CSNK1D: variants seen among roughly 807,000 people sequenced by gnomAD.
CSNK1D encodes the protein casein kinase 1 delta.
Under a neutral mutation model 46.6 loss-of-function variants are expected in CSNK1D, and 16 were observed. That is an observed-to-expected ratio of 0.34 (90% CI 0.23 to 0.52). The LOEUF is 0.52. CSNK1D is among the 20% of genes least tolerant of loss of function. The pLI is 0.95. For synonymous variants in CSNK1D, 276 were observed against 228.2 expected (o/e 1.21, Z -1.89); for missense variants, 398 against 578.4 (o/e 0.69, Z 3.20).
chr17:82,245,473 G>A lies in CSNK1D; in HGVS notation c.1198-642C>T, dbSNP rs1001748814. ...AACAAGGACAGAGATAAATGAGACA[G>A]GAAGAGAGAGGCGACTAGAAAAGCT... is the stretch of plus-strand genomic sequence containing the variant. On this transcript the variant is annotated intron_variant, in intron 8 of 8. Coordinates refer to ENST00000314028, the MANE Select transcript of CSNK1D (RefSeq NM_001893.6). 7 of 213,266 alleles carry A rather than the reference G, an allele frequency of 3.3e-5. No homozygotes were observed. In the East Asian group the frequency reaches 5.9e-4, roughly 18 times the overall value. 13.2% of individuals were successfully genotyped at this position (213,266 alleles called of 1,614,324 possible). A position where few individuals can be genotyped will look rare whatever the true frequency, so the allele number is the denominator to read the frequency against.
At chr17:82,246,863 T>C (rs1432515752) in intron 8 of CSNK1D, 2 of 985,736 alleles carry the variant, frequency 2.0e-6, no homozygotes, top group Non-Finnish European at 2.4e-6. Flanking sequence ...CCACGGTGAC[T>C]GTGTCTCCAG....
chr17:82,256,418 C>G (rs890117003), intron 2 of CSNK1D, among the ~76,000 whole-genome samples: 19 of 144,572 alleles, frequency 1.3e-4, no homozygotes, highest in African/African-American at 4.7e-4. Flanking sequence ...GAGGCTGAGG[C>G]AAGAGGATCA....
chr17:82,253,101 G>A lies in CSNK1D; in HGVS notation c.480C>T (p.Arg160=), dbSNP rs747131812. The change falls in exon 4 of 9, where the codon CGC becomes CGT. Residue 160 remains arginine (R), a synonymous_variant. Transcript: ENST00000314028. ...FGLAKKYRDA[R]THQHIPYREN... is the part of the protein sequence containing the mutation. ...CACGATAGGGGATGTGCTGGTGGGT[G>A]CGTGCATCCCGGTACTTCTTGGCCA... The A allele has an allele frequency of 2.5e-6, 4 of 1,614,222 alleles. No homozygotes were observed. The highest frequency in any genetic ancestry group is 3.4e-6 in the Non-Finnish European group (4 of 1,180,036).
At position 82,248,353 on chromosome 17, in the gene CSNK1D, T is replaced by TTC; in HGVS notation, c.1197+520_1197+521dup. On this transcript the variant is annotated intron_variant, in intron 8 of 8. Coordinates refer to ENST00000314028, the MANE Select transcript of CSNK1D (RefSeq NM_001893.6). The surrounding 1 kb of genome is among the most constrained non-coding windows in gnomAD (Gnocchi z 4.1). ...AGGCCTGGGCTGCGCAACAGGGTAC[T>TTC]TCTCGTCCAAGGGAAGACAGGTGAG... 5 of 998,074 alleles carry TTC rather than the reference T, an allele frequency of 5.0e-6. No individual in the cohort carries two copies. The highest frequency in any genetic ancestry group is 6.0e-6 in the Non-Finnish European group (5 of 836,886). The allele number at this position is 998,074 out of a possible 1,614,324, so 61.8% of individuals were successfully genotyped here.
At position 82,265,669 on chromosome 17, in the gene CSNK1D, G is replaced by A. The variant is rs761120638; in HGVS notation, c.187+17C>T. Reference sequence around the variant, plus strand: ...AAACAGAACCCTGGTGTTGCTCTGTGACTGGTAAAGACCTACCTCCTCCCT... The same window carrying A: ...AAACAGAACCCTGGTGTTGCTCTGTAACTGGTAAAGACCTACCTCCTCCCT... On this transcript the variant is annotated intron_variant, in intron 2 of 8. Coordinates refer to ENST00000314028, the MANE Select transcript of CSNK1D (RefSeq NM_001893.6). The A allele has an allele frequency of 1.9e-6, 3 of 1,576,912 alleles. No individual in the cohort carries two copies. The South Asian group carries it at 3.3e-5, about 17-fold the overall frequency.
Position 82,244,441 on chromosome 17 carries a change from T to TA in CSNK1D, c.*339dup. On this transcript the variant is annotated 3_prime_UTR_variant, in exon 9 of 9. Transcript: ENST00000314028. ...CTTAACCAAGTAGAAGATTGGTAGT[T>TA]ACAGTGGAATCGTCAGGGAGTACAG... 1 of 1,297,310 alleles carries TA rather than the reference T, an allele frequency of 7.7e-7. No individual in the cohort carries two copies. Among genetic ancestry groups the TA allele is most frequent in the Admixed American group, 3.3e-5 (1 of 30,378 alleles). The allele number at this position is 1,297,310 out of a possible 1,614,324, so 80.4% of individuals were successfully genotyped here.
rs1009612562 is a variant in CSNK1D at position 82,255,833 on chromosome 17, C to T, written c.188-256G>A. 9.9e-5 allele frequency among the ~76,000 whole-genome samples: 15 copies of T among 152,270 alleles called. No homozygotes were observed. Among genetic ancestry groups the T allele is most frequent in the African/African-American group, 2.6e-4 (11 of 41,550 alleles). ...GCTGTAAGGGGGACAAGGAGGGGAT[C>T]GAAGCCCCACCTCCCCGACTCCCGT... On this transcript the variant is annotated intron_variant, in intron 2 of 8. Coordinates refer to ENST00000314028, the MANE Select transcript of CSNK1D (RefSeq NM_001893.6). This position sits in a 1 kb window ranked among gnomAD's most constrained non-coding sequence, Gnocchi z 5.9.
chr17:82,247,819 T>A, intron 8 of CSNK1D: 1 of 985,448 alleles, frequency 1.0e-6, no homozygotes. Context: ...AATCCCTGCA[T>A]CTTTGGTCTC....
Position 82,273,700 on chromosome 17 carries a change from T to C in CSNK1D, c.-319A>G. The C allele has an allele frequency of 2.0e-6, 1 of 490,580 alleles. No homozygotes were observed. Among genetic ancestry groups the C allele is most frequent in the Non-Finnish European group, 3.6e-6 (1 of 280,896 alleles). The allele number at this position is 490,580 out of a possible 1,614,324, so 30.4% of individuals were successfully genotyped here. ...TAAAGGAGCCGCCGCCATCGCGCTG[T>C]GACGTCACTTCCCCTAGCAACCCGG... On this transcript the variant is annotated 5_prime_UTR_variant, in exon 1 of 9. Coordinates refer to ENST00000314028, the MANE Select transcript of CSNK1D (RefSeq NM_001893.6). This position sits in a 1 kb window ranked among gnomAD's most constrained non-coding sequence, Gnocchi z 5.1.
chr17:82,260,514 ACT>A lies in CSNK1D; in HGVS notation c.188-4939_188-4938del, dbSNP rs150919171. On this transcript the variant is annotated intron_variant, in intron 2 of 8. Coordinates refer to ENST00000314028, the MANE Select transcript of CSNK1D (RefSeq NM_001893.6). ...TACTGACTGATGTGACTGATGGTGTACTGAGTGATGTGACTGATGGTGTACTG... is the reference window on the plus strand; with the variant it reads ...TACTGACTGATGTGACTGATGGTGTAGAGTGATGTGACTGATGGTGTACTG... Among the ~76,000 whole-genome samples the A allele has an allele frequency of 4.3e-3, 616 of 142,310 alleles. 9 individuals are homozygous for A. The highest frequency in any genetic ancestry group is 0.015 in the African/African-American group (580 of 38,466). The allele number at this position is 142,310 out of a possible 152,430, so 93.4% of individuals were successfully genotyped here.
rs1312754921 is a variant in CSNK1D at position 82,244,569 on chromosome 17, T to TG, written c.*211dup. ...CAGCCCCGTTACAACCGAGTTCACG[T>TG]GGGGGGCCGCAGTGCAGCCCCAGCG... On this transcript the variant is annotated 3_prime_UTR_variant, in exon 9 of 9. Coordinates refer to ENST00000314028, the MANE Select transcript of CSNK1D (RefSeq NM_001893.6). The TG allele has an allele frequency of 4.6e-5, 68 of 1,489,190 alleles. 1 individual carries two copies. The highest frequency in any genetic ancestry group is 8.3e-5 in the African/African-American group (6 of 71,872). The allele number at this position is 1,489,190 out of a possible 1,614,324, so 92.2% of individuals were successfully genotyped here.
chr17:82,259,347 T>TACATC (rs1479380900), intron 2 of CSNK1D, among the ~76,000 whole-genome samples: 4 of 152,230 alleles, frequency 2.6e-5, no homozygotes, highest in African/African-American at 7.2e-5. Context: ...TTTAGGAAAT[T>TACATC]ACATCACATC....
chr17:82,246,857 G>A (rs748760365), intron 8 of CSNK1D: 25 of 986,038 alleles, frequency 2.5e-5, no homozygotes, highest in Middle Eastern at 5.2e-4. Flanking sequence ...CACTGCCCAC[G>A]GTGACTGTGT....
At chr17:82,270,305 C>A (rs549639424) in intron 1 of CSNK1D, among the ~76,000 whole-genome samples, 1 of 152,316 alleles carries the variant, frequency 6.6e-6, no homozygotes, top group East Asian at 1.9e-4. Context: ...CACCACGCTT[C>A]TAGCCCACAG....
At chr17:82,254,378 G>C in intron 3 of CSNK1D, 1 of 281,552 alleles carries the variant, frequency 3.6e-6, no homozygotes, top group South Asian at 2.7e-5. Flanking sequence ...CGAGAAGCCA[G>C]TCAGCTGAGC....
Position 82,255,369 on chromosome 17 carries a change from G to A in CSNK1D, c.336+60C>T. On this transcript the variant is annotated intron_variant, in intron 3 of 8. Transcript: ENST00000314028. The surrounding 1 kb of genome is among the most constrained non-coding windows in gnomAD (Gnocchi z 5.9). ...CATAATAATGGCAAGAACAGCACAA[G>A]CGAGTGGCTGATTCTATCAGACAGC... is the stretch of plus-strand genomic sequence containing the variant. 2 of 1,579,026 alleles carry A rather than the reference G, an allele frequency of 1.3e-6. No homozygotes were observed. Among genetic ancestry groups the A allele is most frequent in the Non-Finnish European group, 1.7e-6 (2 of 1,147,990 alleles).
At chr17:82,242,549 C>G, downstream of CSNK1D, 1 of 799,860 alleles carries the variant, frequency 1.3e-6, no homozygotes, top group Non-Finnish European at 1.5e-6. Context: ...TCCCAGACAC[C>G]CACAGGCTGA....
At chr17:82,264,034 A>G (rs968208608) in intron 2 of CSNK1D, among the ~76,000 whole-genome samples, 11 of 152,252 alleles carry the variant, frequency 7.2e-5, no homozygotes, top group African/African-American at 2.4e-5. Context: ...AGGTGCTGCC[A>G]AAGATATTTT....
chr17:82,271,911 G>C (rs796768284), intron 1 of CSNK1D, among the ~76,000 whole-genome samples: 1 of 152,226 alleles, frequency 6.6e-6, no homozygotes, highest in East Asian at 1.9e-4. Flanking sequence ...AGGGCTGCTG[G>C]AACAGAAAAC....
Sources: gnomAD v4.1 joint callset for allele counts (sites outside exome capture counted in the v4.1 genomes callset) on GRCh38, gnomAD v4.1.1 for gene constraint, Gnocchi (gnomAD v3.1) non-coding constraint, MANE v1.5 for transcripts, NCBI Gene and HGNC (gene_info 2026-07-23, HGNC 2026-07-21) for gene names.